TRAPPC8: variants seen among roughly 807,000 people sequenced by gnomAD.
The protein encoded by TRAPPC8 is general sporulation gene 1 homolog.
Under a neutral mutation model 174.3 loss-of-function variants are expected in TRAPPC8, and 54 were observed. That is an observed-to-expected ratio of 0.31 (90% confidence interval 0.25 to 0.39). The LOEUF (loss-of-function observed/expected upper bound fraction) is 0.39. Ranked by LOEUF, TRAPPC8 falls within the 10% of genes least tolerant of loss-of-function variation. The pLI is 1.00. For synonymous variants in TRAPPC8, 630 were observed against 579.9 expected (o/e 1.09, Z -1.24); for missense variants, 1,531 against 1,699.1 (o/e 0.90, Z 1.74).
chr18:31,845,569 G>C (rs572606665), intron 26 of TRAPPC8, among the ~76,000 whole-genome samples: 24 of 151,714 alleles, frequency 1.6e-4, no homozygotes, highest in Non-Finnish European at 3.1e-4. Flanking sequence ...TTACTTGGGA[G>C]TAATTAAGAA....
chr18:31,909,641 G>T (rs1422858818), intron 6 of TRAPPC8, 26 bp downstream of exon 6: 3 of 1,580,566 alleles, frequency 1.9e-6, no homozygotes, highest in Middle Eastern at 1.7e-4. Context: ...AATCAAAAGA[G>T]AAACTTAGAG....
intron 11 of TRAPPC8, among the ~76,000 whole-genome samples, chr18:31,891,733 C>T (rs886465049): frequency 2.6e-5 from 4 of 152,148 alleles, no homozygotes; most frequent in African/African-American, 9.7e-5. Context: ...CCATTATTTT[C>T]CCCAGGGAAA....
chr18:31,926,109 A>G (rs924528011), intron 2 of TRAPPC8, among the ~76,000 whole-genome samples: 1 of 152,156 alleles, frequency 6.6e-6, no homozygotes, highest in African/African-American at 2.4e-5. Context: ...ACCATTTCCC[A>G]GCTTTTATTT....
chr18:31,863,584 T>C (rs2034438691), intron 19 of TRAPPC8, among the ~76,000 whole-genome samples: 1 of 152,198 alleles, frequency 6.6e-6, no homozygotes, highest in Admixed American at 6.5e-5. Flanking sequence ...GTAGTATGAT[T>C]GCATCTATAA....
rs376033489 is a variant in TRAPPC8 at position 31,896,623 on chromosome 18, T to TTTG, written c.1596+1160_1596+1162dup. On this transcript the variant is annotated intron_variant, in intron 11 of 28. Transcript: ENST00000283351. ...TTGGAAACACGCAAGTAGATAAATCTTTGTTGTTGTTGTTGTTGAGACAAA... is the reference window on the plus strand; with the variant it reads ...TTGGAAACACGCAAGTAGATAAATCTTTGTTGTTGTTGTTGTTGTTGAGACAAA... Among the ~76,000 whole-genome samples, 847 of 152,188 alleles carry TTTG rather than the reference T, an allele frequency of 5.6e-3. 5 individuals are homozygous for TTTG. The highest frequency in any genetic ancestry group is 0.019 in the African/African-American group (792 of 41,530).
chr18:31,848,463 G>A (rs1216925383), intron 25 of TRAPPC8, among the ~76,000 whole-genome samples: 2 of 152,162 alleles, frequency 1.3e-5, no homozygotes, highest in African/African-American at 4.8e-5. Flanking sequence ...TATATAATAT[G>A]ATTCTAAAGT....
At position 31,853,933 on chromosome 18, in the gene TRAPPC8, C is replaced by T. The variant is rs757579746; in HGVS notation, c.3349G>A (p.Val1117Ile). The T allele has an allele frequency of 4.8e-5, 77 of 1,608,820 alleles. No individual in the cohort carries two copies. The highest frequency in any genetic ancestry group is 5.6e-5 in the Non-Finnish European group (66 of 1,178,846). Residue 1117 changes from valine to isoleucine, a missense_variant, in exon 22 of 29, where the codon GTT (valine) becomes ATT (isoleucine). Physicochemically the swap from Val to Ile is conservative, Grantham distance 29. Coordinates refer to ENST00000283351, the MANE Select transcript of TRAPPC8 (RefSeq NM_014939.5). ...ACTTGCACTATGTGGAATTCCTTAACGCCTGCTTCACTCTGTCAAAAAAAA... is the reference window on the plus strand; with the variant it reads ...ACTTGCACTATGTGGAATTCCTTAATGCCTGCTTCACTCTGTCAAAAAAAA... ...VENTNTSEAG[V>I]KEFHIVQVSS... is the part of the protein sequence containing the mutation.
chr18:31,856,398 A>G (rs915410774), intron 20 of TRAPPC8, among the ~76,000 whole-genome samples: 24 of 152,232 alleles, frequency 1.6e-4, no homozygotes, highest in African/African-American at 5.8e-4. Flanking sequence ...AATCAATCAT[A>G]TTCACCATCT....
intron 2 of TRAPPC8, among the ~76,000 whole-genome samples, chr18:31,919,280 C>G (rs893642425): frequency 1.3e-5 from 2 of 152,052 alleles, no homozygotes; most frequent in Non-Finnish European, 2.9e-5. Flanking sequence ...CGCCTGTAGT[C>G]CCAGCACTTT....
chr18:31,936,222 G>A (rs1331501932), intron 1 of TRAPPC8, among the ~76,000 whole-genome samples: 2 of 151,272 alleles, frequency 1.3e-5, no homozygotes, highest in East Asian at 2.0e-4. Flanking sequence ...ACTTTGGGAG[G>A]CCGAGGCTGG....
chr18:31,893,454 T>C (rs940238393), intron 11 of TRAPPC8, among the ~76,000 whole-genome samples: 1 of 152,106 alleles, frequency 6.6e-6, no homozygotes, highest in Non-Finnish European at 1.5e-5. Context: ...TTTTTTATTA[T>C]AGCTTAATCA....
At chr18:31,887,502 C>G (rs894454045) in intron 12 of TRAPPC8, among the ~76,000 whole-genome samples, 4 of 151,928 alleles carry the variant, frequency 2.6e-5, no homozygotes, top group Non-Finnish European at 5.9e-5. Flanking sequence ...AAAAATTACC[C>G]GGGTGTGATG....
At chr18:31,865,426 C>T (rs1339708320) in intron 18 of TRAPPC8, among the ~76,000 whole-genome samples, 6 of 151,906 alleles carry the variant, frequency 3.9e-5, no homozygotes, top group East Asian at 1.9e-4. Context: ...TTTAATGTGC[C>T]GAAGGTCACT....
intron 19 of TRAPPC8, among the ~76,000 whole-genome samples, chr18:31,860,058 T>C (rs930426021): frequency 6.6e-6 from 1 of 151,632 alleles, no homozygotes; most frequent in African/African-American, 2.4e-5. Context: ...TTACCTCAAA[T>C]GCTCAGTTGC....
intron 1 of TRAPPC8, among the ~76,000 whole-genome samples, chr18:31,937,001 A>G (rs935055716): frequency 6.6e-6 from 1 of 150,558 alleles, no homozygotes; most frequent in African/African-American, 2.4e-5. Context: ...TCACGAGGTC[A>G]GGAGATCAAG....
At chr18:31,916,194 A>G in intron 4 of TRAPPC8, 78 bp downstream of exon 4, 1 of 1,112,368 alleles carries the variant, frequency 9.0e-7, no homozygotes, top group Non-Finnish European at 1.2e-6. Flanking sequence ...AAATAAATCC[A>G]AAACGTAAAC....
At chr18:31,927,595 G>A (rs2037670971) in intron 2 of TRAPPC8, among the ~76,000 whole-genome samples, 2 of 152,060 alleles carry the variant, frequency 1.3e-5, no homozygotes, top group Non-Finnish European at 2.9e-5. Context: ...TTCAGATGGG[G>A]TCTCAATATG....
At chr18:31,865,671 T>C (rs966656022) in intron 18 of TRAPPC8, among the ~76,000 whole-genome samples, 2 of 151,844 alleles carry the variant, frequency 1.3e-5, no homozygotes, top group African/African-American at 4.8e-5. Context: ...TATATTTTAC[T>C]GACAACCATA....
At chr18:31,899,926 C>A (rs1199656119) in intron 10 of TRAPPC8, among the ~76,000 whole-genome samples, 3 of 150,630 alleles carry the variant, frequency 2.0e-5, no homozygotes, top group African/African-American at 4.9e-5. Flanking sequence ...AGGTGGGTGA[C>A]AATGCGAGAC....
Sources: allele counts gnomAD v4.1 joint callset (sites outside exome capture counted in the v4.1 genomes callset), GRCh38; gene constraint gnomAD v4.1.1; transcripts MANE v1.5; gene names NCBI Gene and HGNC (gene_info 2026-07-23, HGNC 2026-07-21).